FZD2: variants seen among roughly 807,000 people sequenced by gnomAD.
FZD2 encodes frizzled-2.
In FZD2, 17 loss-of-function variants were observed where a neutral mutation model predicts 36.7. The observed-to-expected ratio is 0.46, with a 90% CI of 0.32 to 0.70. The LOEUF (loss-of-function observed/expected upper bound fraction) is 0.70, where lower values mean the gene tolerates loss of function less well. FZD2 is among the 30% of genes least tolerant of loss of function. The probability of loss-of-function intolerance (pLI) is 0.04; values close to 1 mark genes in which losing one functional copy is unlikely to be tolerated. For synonymous variants in FZD2, 333 were observed against 359.6 expected (o/e 0.93, Z 0.84); for missense variants, 525 against 805.6 (o/e 0.65, Z 4.22).
chr17:44,559,577 A>C lies in FZD2; in HGVS notation c.*191A>C. On this transcript the variant is annotated 3_prime_UTR_variant, in exon 1 of 1. Coordinates refer to ENST00000315323, the MANE Select transcript of FZD2 (RefSeq NM_001466.4). The surrounding 1 kb of genome is among the most constrained non-coding windows in gnomAD (Gnocchi z 4.4). ...ATTAAAACTGTAAATAGTCTTTGTAAATTTAATTATATATATTTTCTATTT... is the reference window on the plus strand; with the variant it reads ...ATTAAAACTGTAAATAGTCTTTGTACATTTAATTATATATATTTTCTATTT... 1 of 578,724 alleles carries C rather than the reference A, an allele frequency of 1.7e-6. No individual in the cohort carries two copies. The allele number at this position is 578,724 out of a possible 1,614,324, so 35.8% of individuals were successfully genotyped here.
At position 44,557,699 on chromosome 17, in the gene FZD2, G is replaced by T; in HGVS notation, c.11G>T (p.Arg4Leu). The change falls in exon 1 of 1, where the codon CGC (arginine) becomes CTC (leucine). Residue 4 changes from arginine to leucine, a missense_variant. This residue lies in a region of FZD2 where 44 missense variants were observed against 43.9 expected (regional missense o/e 1.00). Transcript: ENST00000315323. This position sits in a 1 kb window ranked among gnomAD's most constrained non-coding sequence, Gnocchi z 4.9. ...GGGGCGGCGGCCAGCATGCGGCCCC[G>T]CAGCGCCCTGCCCCGCCTGCTGCTG... MRPRSALPRLLLPL... is the reference protein window; with the variant it reads MRPLSALPRLLLPL... 6.8e-7 allele frequency: 1 copy of T among 1,466,370 alleles called. No homozygotes were observed. Among genetic ancestry groups the T allele is most frequent in the South Asian group, 1.4e-5 (1 of 73,304 alleles). 90.8% of individuals were successfully genotyped at this position (1,466,370 alleles called of 1,614,324 possible). A position where few individuals can be genotyped will look rare whatever the true frequency, so the allele number is the denominator to read the frequency against.
Position 44,558,019 on chromosome 17 carries a change from C to A in FZD2, c.331C>A (p.Arg111Ser). Residue 111 changes from arginine (R) to serine (S), a missense_variant, in exon 1 of 1, where the codon CGC (arginine) becomes AGC (serine). Transcript: ENST00000315323. This position sits in a 1 kb window ranked among gnomAD's most constrained non-coding sequence, Gnocchi z 9.3. The stretch of plus-strand genomic sequence containing the variant: ...GCTGGAACAGGCCATCCCGCCGTGC[C>A]GCTCTATCTGTGAGCGCGCGCGCCA... ...TVLEQAIPPCRSICERARQGC... is the reference protein window; with the variant it reads ...TVLEQAIPPCSSICERARQGC... 1.2e-6 allele frequency: 2 copies of A among 1,613,684 alleles called. No homozygotes were observed. Among genetic ancestry groups the A allele is most frequent in the Non-Finnish European group, 1.7e-6 (2 of 1,180,018 alleles).
At position 44,558,979 on chromosome 17, in the gene FZD2, C is replaced by T; in HGVS notation, c.1291C>T (p.Leu431Phe). The T allele has an allele frequency of 6.2e-7, 1 of 1,614,152 alleles. No homozygotes were observed. Among genetic ancestry groups the T allele is most frequent in the Non-Finnish European group, 8.5e-7 (1 of 1,180,034 alleles). The change falls in exon 1 of 1, where the codon CTC becomes TTC. Residue 431 changes from leucine (L) to phenylalanine (F), a missense_variant. Leu to Phe is a conservative substitution (Grantham distance 22). Coordinates refer to ENST00000315323, the MANE Select transcript of FZD2 (RefSeq NM_001466.4). This position sits in a 1 kb window ranked among gnomAD's most constrained non-coding sequence, Gnocchi z 9.3. Reference sequence around the variant, plus strand: ...GTACCTGTTCATCGGCACGTCCTTCCTCCTGGCCGGCTTCGTGTCGCTCTT... The same window carrying T: ...GTACCTGTTCATCGGCACGTCCTTCTTCCTGGCCGGCTTCGTGTCGCTCTT... ...FVYLFIGTSF[L>F]LAGFVSLFRI...
In FZD2 at chr17:44,558,139, G is replaced by C; in HGVS notation, c.451G>C (p.Val151Leu). 6.2e-7 allele frequency: 1 copy of C among 1,606,084 alleles called. No homozygotes were observed. The highest frequency in any genetic ancestry group is 8.5e-7 in the Non-Finnish European group (1 of 1,178,766). The change falls in exon 1 of 1, where the codon GTC (valine) becomes CTC (leucine). Residue 151 changes from valine (V) to leucine (L), a missense_variant. Coordinates refer to ENST00000315323, the MANE Select transcript of FZD2 (RefSeq NM_001466.4). The surrounding 1 kb of genome is among the most constrained non-coding windows in gnomAD (Gnocchi z 9.3). Reference sequence around the variant, plus strand: ...GCGCCACGGCGCCGAGCAGATCTGCGTCGGCCAGAACCACTCCGAGGACGG... The same window carrying C: ...GCGCCACGGCGCCGAGCAGATCTGCCTCGGCCAGAACCACTCCGAGGACGG... ...FPRHGAEQIC[V>L]GQNHSEDGAP...
Position 44,559,508 on chromosome 17 carries a change from T to C in FZD2, c.*122T>C. On this transcript the variant is annotated 3_prime_UTR_variant, in exon 1 of 1. Transcript: ENST00000315323. The surrounding 1 kb of genome is among the most constrained non-coding windows in gnomAD (Gnocchi z 4.4). ...GAAACCATTTCACTTTTAGGTTGCT[T>C]TTTAAAAGAGAACTCTCTGCCCAAC... 1 of 1,371,852 alleles carries C rather than the reference T, an allele frequency of 7.3e-7. No homozygotes were observed. The highest frequency in any genetic ancestry group is 9.5e-7 in the Non-Finnish European group (1 of 1,055,378). 85.0% of individuals were successfully genotyped at this position (1,371,852 alleles called of 1,614,324 possible).
chr17:44,559,072 A>C lies in FZD2; in HGVS notation c.1384A>C (p.Ile462Leu), dbSNP rs1343473493. Residue 462 changes from isoleucine to leucine, a missense_variant, in exon 1 of 1, where the codon ATC (isoleucine) becomes CTC (leucine). Ile to Leu is a conservative substitution (Grantham distance 5). Coordinates refer to ENST00000315323, the MANE Select transcript of FZD2 (RefSeq NM_001466.4). The surrounding 1 kb of genome is among the most constrained non-coding windows in gnomAD (Gnocchi z 4.4). ...TEKLERLMVRIGVFSVLYTVP... is the reference protein window; with the variant it reads ...TEKLERLMVRLGVFSVLYTVP... ...AAAGCTGGAGCGGCTCATGGTGCGC[A>C]TCGGCGTCTTCTCCGTGCTCTACAC... The C allele has an allele frequency of 2.5e-6, 4 of 1,601,504 alleles. No individual in the cohort carries two copies. The highest frequency in any genetic ancestry group is 3.4e-6 in the Non-Finnish European group (4 of 1,173,940).
rs1970846071 is a variant in FZD2 at position 44,557,904 on chromosome 17, G to T, written c.216G>T (p.Glu72Asp). ...GHTNQEDAGL[E>D]VHQFYPLVKV... is the part of the protein sequence containing the mutation. ...CGAACCAGGAGGACGCAGGCCTAGA[G>T]GTGCACCAGTTCTATCCGCTGGTGA... The change falls in exon 1 of 1, where the codon GAG (glutamate) becomes GAT (aspartate). Residue 72 changes from glutamate (E) to aspartate (D), a missense_variant. By Grantham distance (45) the Glu-to-Asp change is conservative. Transcript: ENST00000315323. This position sits in a 1 kb window ranked among gnomAD's most constrained non-coding sequence, Gnocchi z 4.9. 6.2e-7 allele frequency: 1 copy of T among 1,614,180 alleles called. No homozygotes were observed. The highest frequency in any genetic ancestry group is 8.5e-7 in the Non-Finnish European group (1 of 1,180,020).
At position 44,560,818 on chromosome 17, in the gene FZD2, C is replaced by T. The variant is rs188008370; in HGVS notation, c.*1432C>T. 4.5e-3 allele frequency among the ~76,000 whole-genome samples: 678 copies of T among 152,332 alleles called. 5 individuals carry two copies. Among genetic ancestry groups the T allele is most frequent in the African/African-American group, 0.016 (645 of 41,566 alleles). ...TGGCTCACTGCAACCTCCACTGCAG[C>T]GTTTCTCCTGCCTCAGCCTCCCAAG... is the stretch of plus-strand genomic sequence containing the variant. On this transcript the variant is annotated 3_prime_UTR_variant, in exon 1 of 1. Transcript: ENST00000315323.
rs764170120 is a variant in FZD2 at position 44,558,514 on chromosome 17, C to T, written c.826C>T (p.Pro276Ser). The change falls in exon 1 of 1, where the codon CCA (proline) becomes TCA (serine). Residue 276 changes from proline (P) to serine (S), a missense_variant. By Grantham distance (74) the Pro-to-Ser change is moderately conservative. Transcript: ENST00000315323. This position sits in a 1 kb window ranked among gnomAD's most constrained non-coding sequence, Gnocchi z 9.3. ...GGTAGACATGCAGCGCTTCCGCTAC[C>T]CAGAGCGGCCTATCATTTTTCTGTC... Reference protein sequence around the residue: ...YLVDMQRFRYPERPIIFLSGC... With the variant: ...YLVDMQRFRYSERPIIFLSGC... 1 of 1,584,890 alleles carries T rather than the reference C, an allele frequency of 6.3e-7. No homozygotes were observed. Among genetic ancestry groups the T allele is most frequent in the East Asian group, 2.2e-5 (1 of 44,686 alleles).
rs1970858934 is a variant in FZD2, at chr17:44,559,050, G to C, written c.1362G>C (p.Lys454Asn). The change falls in exon 1 of 1, where the codon AAG becomes AAC. Residue 454 changes from lysine (K) to asparagine (N), a missense_variant. Physicochemically the swap from Lys to Asn is moderately conservative, Grantham distance 94 (BLOSUM62 0). Transcript: ENST00000315323. This position sits in a 1 kb window ranked among gnomAD's most constrained non-coding sequence, Gnocchi z 4.4. The part of the protein sequence containing the change: ...IMKHDGTKTE[K>N]LERLMVRIGV... ...AGCACGACGGCACCAAGACCGAAAA[G>C]CTGGAGCGGCTCATGGTGCGCATCG... is the stretch of plus-strand genomic sequence containing the variant. 4 of 1,614,146 alleles carry C rather than the reference G, an allele frequency of 2.5e-6. No individual in the cohort carries two copies. The highest frequency in any genetic ancestry group is 3.4e-6 in the Non-Finnish European group (4 of 1,180,036).
chr17:44,558,522 G>A lies in FZD2; in HGVS notation c.834G>A (p.Arg278=), dbSNP rs1261716092. 1 of 1,587,062 alleles carries A rather than the reference G, an allele frequency of 6.3e-7. No homozygotes were observed. The highest frequency in any genetic ancestry group is 8.6e-7 in the Non-Finnish European group (1 of 1,166,948). The part of the protein sequence containing the change: ...VDMQRFRYPE[R]PIIFLSGCYT... The stretch of plus-strand genomic sequence containing the variant: ...TGCAGCGCTTCCGCTACCCAGAGCG[G>A]CCTATCATTTTTCTGTCGGGCTGCT... The change falls in exon 1 of 1, where the codon CGG becomes CGA. Residue 278 remains arginine, a synonymous_variant. Coordinates refer to ENST00000315323, the MANE Select transcript of FZD2 (RefSeq NM_001466.4). This position sits in a 1 kb window ranked among gnomAD's most constrained non-coding sequence, Gnocchi z 9.3.
Position 44,557,631 on chromosome 17 carries a change from G to T in FZD2, c.-58G>T. 9.3e-7 allele frequency: 1 copy of T among 1,077,324 alleles called. No homozygotes were observed. Among genetic ancestry groups the T allele is most frequent in the Non-Finnish European group, 1.2e-6 (1 of 850,678 alleles). The allele number at this position is 1,077,324 out of a possible 1,614,324, so 66.7% of individuals were successfully genotyped here. On this transcript the variant is annotated 5_prime_UTR_variant, in exon 1 of 1. Coordinates refer to ENST00000315323, the MANE Select transcript of FZD2 (RefSeq NM_001466.4). This position sits in a 1 kb window ranked among gnomAD's most constrained non-coding sequence, Gnocchi z 4.9. ...GCGGCGGGGAAGAAGCGCAGTCTCC[G>T]GGTTGGGGGCGGGGGCGGGGGGGGC...
At position 44,558,945 on chromosome 17, in the gene FZD2, G is replaced by T; in HGVS notation, c.1257G>T (p.Pro419=). ...LDPLRGFVLA[P]LFVYLFIGTS... ...CGCTGCGGGGCTTCGTGCTAGCGCC[G>T]CTCTTCGTGTACCTGTTCATCGGCA... The change falls in exon 1 of 1, where the codon CCG becomes CCT. Residue 419 remains proline, a synonymous_variant. Coordinates refer to ENST00000315323, the MANE Select transcript of FZD2 (RefSeq NM_001466.4). The surrounding 1 kb of genome is among the most constrained non-coding windows in gnomAD (Gnocchi z 9.3). The T allele has an allele frequency of 1.9e-6, 3 of 1,613,746 alleles. No individual in the cohort carries two copies. Among genetic ancestry groups the T allele is most frequent in the Non-Finnish European group, 2.5e-6 (3 of 1,179,994 alleles).
Position 44,559,159 on chromosome 17 carries a change from G to A in FZD2, c.1471G>A (p.Glu491Lys), listed in dbSNP as rs926219317. 5.0e-6 allele frequency: 8 copies of A among 1,613,792 alleles called. No individual in the cohort carries two copies. Among genetic ancestry groups the A allele is most frequent in the African/African-American group, 4.0e-5 (3 of 74,944 alleles). The change falls in exon 1 of 1, where the codon GAG becomes AAG. Residue 491 changes from glutamate (E) to lysine (K), a missense_variant. Glu to Lys is a moderately conservative substitution (Grantham distance 56). This residue lies in a region of FZD2 where 189 missense variants were observed against 298.1 expected (regional missense o/e 0.63). Coordinates refer to ENST00000315323, the MANE Select transcript of FZD2 (RefSeq NM_001466.4). This position sits in a 1 kb window ranked among gnomAD's most constrained non-coding sequence, Gnocchi z 4.4. ...CGAGCAGGCCTTCCGCGAGCACTGGGAGCGCTCGTGGGTGAGCCAGCACTG... is the reference window on the plus strand; with the variant it reads ...CGAGCAGGCCTTCCGCGAGCACTGGAAGCGCTCGTGGGTGAGCCAGCACTG... Reference protein sequence around the residue: ...FYEQAFREHWERSWVSQHCKS... With the variant: ...FYEQAFREHWKRSWVSQHCKS...
At position 44,560,949 on chromosome 17, in the gene FZD2, C is replaced by T. The variant is rs1478770872; in HGVS notation, c.*1563C>T. ...CAGGCTGGTCTCGAACTCCTGACCT[C>T]GTTATCTGCCTGCCTCGGCCTCCTA... On this transcript the variant is annotated 3_prime_UTR_variant, in exon 1 of 1. Coordinates refer to ENST00000315323, the MANE Select transcript of FZD2 (RefSeq NM_001466.4). 3.9e-5 allele frequency among the ~76,000 whole-genome samples: 6 copies of T among 152,128 alleles called. No individual in the cohort carries two copies. In the South Asian group the frequency reaches 1.2e-3, roughly 32 times the overall value.
In FZD2 at chr17:44,559,785, G is replaced by A. The variant is rs1970869177; in HGVS notation, c.*399G>A. Among the ~76,000 whole-genome samples the A allele has an allele frequency of 6.6e-6, 1 of 152,102 alleles. No homozygotes were observed. The highest frequency in any genetic ancestry group is 2.1e-4 in the South Asian group (1 of 4,824). On this transcript the variant is annotated 3_prime_UTR_variant, in exon 1 of 1. Coordinates refer to ENST00000315323, the MANE Select transcript of FZD2 (RefSeq NM_001466.4). The surrounding 1 kb of genome is among the most constrained non-coding windows in gnomAD (Gnocchi z 4.4). ...CTGGGCCTGATGGGAGAGGCACCCA[G>A]CCTGAGCGCTGTTTTTGTTGGCTTT...
rs561774201 is a variant in FZD2, at chr17:44,560,546, C to A, written c.*1160C>A. On this transcript the variant is annotated 3_prime_UTR_variant, in exon 1 of 1. Transcript: ENST00000315323. Reference sequence around the variant, plus strand: ...AAAGACTGGTTTATTTAAAATTTGTCCAGAAAAAAATGAAAAAAAAAAAAA... The same window carrying A: ...AAAGACTGGTTTATTTAAAATTTGTACAGAAAAAAATGAAAAAAAAAAAAA... Among the ~76,000 whole-genome samples, 10 of 102,116 alleles carry A rather than the reference C, an allele frequency of 9.8e-5. No homozygotes were observed. The highest frequency in any genetic ancestry group is 2.5e-4 in the Admixed American group (2 of 7,942). 67.0% of individuals were successfully genotyped at this position (102,116 alleles called of 152,430 possible). A position where few individuals can be genotyped will look rare whatever the true frequency, so the allele number is the denominator to read the frequency against.
In FZD2 at chr17:44,558,755, C is replaced by G. The variant is rs1334324882; in HGVS notation, c.1067C>G (p.Ala356Gly). The part of the protein sequence containing the change: ...VILSLTWFLA[A>G]GMKWGHEAIE... ...CTGTCGCTCACCTGGTTCCTGGCAG[C>G]CGGCATGAAGTGGGGCCACGAGGCC... The change falls in exon 1 of 1, where the codon GCC becomes GGC. Residue 356 changes from alanine (A) to glycine (G), a missense_variant. Physicochemically the swap from Ala to Gly is moderately conservative, Grantham distance 60. Coordinates refer to ENST00000315323, the MANE Select transcript of FZD2 (RefSeq NM_001466.4). The surrounding 1 kb of genome is among the most constrained non-coding windows in gnomAD (Gnocchi z 9.3). 1 of 1,614,248 alleles carries G rather than the reference C, an allele frequency of 6.2e-7. No individual in the cohort carries two copies. Among genetic ancestry groups the G allele is most frequent in the South Asian group, 1.1e-5 (1 of 91,088 alleles).
At position 44,559,337 on chromosome 17, in the gene FZD2, A is replaced by G. The variant is rs761727833; in HGVS notation, c.1649A>G (p.Lys550Arg). ...WSGKTLHSWR[K>R]FYTRLTNSRH... ...GGCAAGACGCTGCACTCGTGGAGGA[A>G]GTTCTACACTCGCCTCACCAACAGC... The change falls in exon 1 of 1, where the codon AAG (lysine) becomes AGG (arginine). Residue 550 changes from lysine (K) to arginine (R), a missense_variant. Physicochemically the swap from Lys to Arg is conservative, Grantham distance 26. This residue lies in a region of FZD2 where 189 missense variants were observed against 298.1 expected (regional missense o/e 0.63). Coordinates refer to ENST00000315323, the MANE Select transcript of FZD2 (RefSeq NM_001466.4). The surrounding 1 kb of genome is among the most constrained non-coding windows in gnomAD (Gnocchi z 4.4). 23 of 1,612,988 alleles carry G rather than the reference A, an allele frequency of 1.4e-5. No individual in the cohort carries two copies. In the South Asian group the frequency reaches 2.1e-4, roughly 15 times the overall value.
Sources: allele counts gnomAD v4.1 joint callset (sites outside exome capture counted in the v4.1 genomes callset), GRCh38; gene constraint gnomAD v4.1.1; regional missense constraint gnomAD v4.1.1; non-coding constraint Gnocchi (gnomAD v3.1); transcripts MANE v1.5; gene names NCBI Gene and HGNC (gene_info 2026-07-23, HGNC 2026-07-21).